NCOR2: variants seen among roughly 807,000 people sequenced by gnomAD.
The protein encoded by NCOR2 is CTG repeat protein 26.
A neutral mutation model predicts 262.9 loss-of-function variants in NCOR2; 81 were observed. The ratio of observed to expected loss-of-function variants is 0.31; its 90% CI spans 0.26 to 0.37. The LOEUF is 0.37. Among genes scored for constraint, NCOR2 ranks in the 10% least tolerant of loss-of-function variants. The probability of loss-of-function intolerance (pLI) is 1.00; values close to 1 mark genes in which losing one functional copy is unlikely to be tolerated. For missense variants in NCOR2, 3,385 were observed against 3,621.4 expected, an observed-to-expected ratio of 0.93 and a Z score of 1.68; for synonymous variants, 1,659 against 1,559.3, an observed-to-expected ratio of 1.06 and a Z score of -1.51.
exon 12 of NCOR2, chr12:124,422,534 G>A: frequency 6.2e-7 from 1 of 1,614,084 alleles, no homozygotes; most frequent in Non-Finnish European, 8.5e-7. Flanking sequence ...TCAGGCCAAA[G>A]TTCTTGGGAT....
rs573845561 is a variant in NCOR2, at chr12:124,430,951, C to T, written c.883-164G>A. ...TCAGATACAGCCACACAGACACATA[C>T]ATACAGGCACACACATACAGTCAGA... On this transcript the variant is annotated intron_variant, in intron 8 of 46. Transcript: ENST00000405201. Among the ~76,000 whole-genome samples, 25 of 152,232 alleles carry T rather than the reference C, an allele frequency of 1.6e-4. No homozygotes were observed. The South Asian group carries it at 4.8e-3, about 29-fold the overall frequency.
chr12:124,461,920 C>A (rs1464292175), intron 5 of NCOR2, among the ~76,000 whole-genome samples: 1 of 152,212 alleles, frequency 6.6e-6, no homozygotes, highest in Non-Finnish European at 1.5e-5. Flanking sequence ...CAGATAACCA[C>A]AGGCCCCACA....
rs549766590 is a variant in NCOR2, at chr12:124,408,979, C to T, written c.1483-6418G>A. The stretch of plus-strand genomic sequence containing the variant: ...GCACGTTGTCACGTGGCACTGGGCA[C>T]GGTGAGAGGATTTATTTACACCATG... On this transcript the variant is annotated intron_variant, in intron 13 of 46. Coordinates refer to ENST00000405201, the Ensembl canonical transcript of NCOR2. Among the ~76,000 whole-genome samples the T allele has an allele frequency of 1.2e-3, 177 of 152,254 alleles. 1 individual carries two copies. Among genetic ancestry groups the T allele is most frequent in the South Asian group, 6.6e-3 (32 of 4,818 alleles).
Position 124,412,810 on chromosome 12 carries a change from G to A in NCOR2, c.1482+7147C>T, listed in dbSNP as rs142179651. Among the ~76,000 whole-genome samples the A allele has an allele frequency of 6.5e-3, 992 of 152,362 alleles. 13 individuals carry two copies. Among genetic ancestry groups the A allele is most frequent in the African/African-American group, 0.023 (945 of 41,574 alleles). ...TCGGCCTTATTGTGGGGTGAGGGGT[G>A]CGGCCCAGTGACTGGGTTTCCCCAG... On this transcript the variant is annotated intron_variant, in intron 13 of 46. Transcript: ENST00000405201.
intron 4 of NCOR2, among the ~76,000 whole-genome samples, chr12:124,469,319 T>A (rs1328257213): frequency 1.3e-5 from 2 of 152,086 alleles, no homozygotes; most frequent in Non-Finnish European, 2.9e-5. Context: ...AAATCCAGGA[T>A]GCTGGCTTTT....
chr12:124,499,027 G>A (rs1458434079), upstream of NCOR2, among the ~76,000 whole-genome samples: 1 of 152,274 alleles, frequency 6.6e-6, no homozygotes, highest in Non-Finnish European at 1.5e-5. Flanking sequence ...GTTTTACAGG[G>A]CAGTGATGCA....
chr12:124,339,337 G>A (rs998080149), intron 37 of NCOR2, among the ~76,000 whole-genome samples: 6 of 107,670 alleles, frequency 5.6e-5, no homozygotes, highest in East Asian at 3.2e-4. Flanking sequence ...CCATCCATCT[G>A]GCTAACTCAG....
At chr12:124,348,139 G>A (rs376066359) in intron 29 of NCOR2, 35 bp downstream of exon 31, 2 of 1,605,004 alleles carry the variant, frequency 1.2e-6, no homozygotes, top group African/African-American at 2.7e-5. Context: ...CCCACCAGGG[G>A]GCACCGAGAG....
upstream of NCOR2, among the ~76,000 whole-genome samples, chr12:124,497,343 A>T (rs1318025999): frequency 2.0e-5 from 3 of 152,204 alleles, no homozygotes; most frequent in East Asian, 3.9e-4. This position sits in a 1 kb window ranked among gnomAD's most constrained non-coding sequence, Gnocchi z 4.2. Flanking sequence ...ACATGGGAAC[A>T]CGTCCCGCTC....
rs111842384 is a variant in NCOR2 at position 124,530,814 on chromosome 12, G to A, written c.-118+4751C>T. Among the ~76,000 whole-genome samples the A allele has an allele frequency of 1.4e-3, 219 of 152,310 alleles. 1 individual carries two copies. Among genetic ancestry groups the A allele is most frequent in the Non-Finnish European group, 1.1e-3 (72 of 68,018 alleles). On this transcript the variant is annotated intron_variant, in intron 1 of 46. Coordinates refer to the NCOR2 transcript ENST00000404621. Reference sequence around the variant, plus strand: ...ACCAAAGTGAACATACCAGCTGCAGGCCCCAGCATACAGCAGGGGCTTCAT... The same window carrying A: ...ACCAAAGTGAACATACCAGCTGCAGACCCCAGCATACAGCAGGGGCTTCAT...
chr12:124,522,066 C>G (rs1479839612), intron 1 of NCOR2, among the ~76,000 whole-genome samples: 1 of 152,174 alleles, frequency 6.6e-6, no homozygotes, highest in East Asian at 1.9e-4. Flanking sequence ...ATGCACACCA[C>G]TCCAGCCCAG....
chr12:124,470,542 ACATGATAAACTCCAAAAC>A (rs921768293), intron 4 of NCOR2, among the ~76,000 whole-genome samples: 3 of 152,258 alleles, frequency 2.0e-5, no homozygotes, highest in Admixed American at 1.3e-4. Flanking sequence ...ACAAGAGACA[ACATGATAAACTCCAAAAC>A]CATGACACTA....
chr12:124,459,819 A>C (rs1256989436), intron 5 of NCOR2, among the ~76,000 whole-genome samples: 2 of 151,990 alleles, frequency 1.3e-5, no homozygotes, highest in African/African-American at 4.8e-5. Flanking sequence ...TGAGCACCAA[A>C]TCCAAACTCC....
Position 124,456,247 on chromosome 12 carries a change from T to C in NCOR2, c.762+859A>G, listed in dbSNP as rs548323727. Among the ~76,000 whole-genome samples, 8 of 152,232 alleles carry C rather than the reference T, an allele frequency of 5.3e-5. No individual in the cohort carries two copies. The South Asian group carries it at 1.4e-3, about 28-fold the overall frequency. On this transcript the variant is annotated intron_variant, in intron 6 of 46. Coordinates refer to ENST00000405201, the Ensembl canonical transcript of NCOR2. ...CCTAGCCCACCATGCACACAGAGAC[T>C]CTCCCTCATCCGGCACACATGTGGG...
chr12:124,419,812 G>T, intron 13 of NCOR2, 145 bp downstream of exon 15: 1 of 732,138 alleles, frequency 1.4e-6, no homozygotes. Flanking sequence ...ACGGAGGGGA[G>T]CCTGCACTCA....
intron 42 of NCOR2, among the ~76,000 whole-genome samples, chr12:124,332,912 C>T (rs1383711476): frequency 1.3e-5 from 2 of 152,164 alleles, no homozygotes; most frequent in Non-Finnish European, 2.9e-5. Context: ...GCTGAGATCC[C>T]AGCCCAAAGC....
At chr12:124,540,492 C>A (rs1179155381), upstream of NCOR2, among the ~76,000 whole-genome samples, 7 of 1,376 alleles carry the variant, frequency 5.1e-3, no homozygotes, top group South Asian at 0.1. Context: ...GGGAGTGGAG[C>A]TGGAGGGGGA....
intron 16 of NCOR2, among the ~76,000 whole-genome samples, chr12:124,395,286 C>T (rs1292050854): frequency 6.6e-6 from 1 of 152,100 alleles, no homozygotes; most frequent in Admixed American, 6.5e-5. Context: ...CCCCGACCCC[C>T]TATGGAGGAG....
At position 124,429,597 on chromosome 12, in the gene NCOR2, C is replaced by T; in HGVS notation, c.1149+16G>A. On this transcript the variant is annotated intron_variant, in intron 10 of 46. Transcript: ENST00000405201. ...AGGGAAAAGGAGCTGAGGCCAGAGT[C>T]AGGGCCTGGACTCACCTCCTGCTCT... The T allele has an allele frequency of 6.3e-7, 1 of 1,586,050 alleles. No homozygotes were observed. Among genetic ancestry groups the T allele is most frequent in the East Asian group, 2.3e-5 (1 of 43,464 alleles).
Sources: gnomAD v4.1 joint callset for allele counts (sites outside exome capture counted in the v4.1 genomes callset) on GRCh38, gnomAD v4.1.1 for gene constraint, Gnocchi (gnomAD v3.1) non-coding constraint, MANE v1.5 for transcripts, NCBI Gene and HGNC (gene_info 2026-07-23, HGNC 2026-07-21) for gene names.